MSRA: variants seen among roughly 807,000 people sequenced by gnomAD.
MSRA encodes the protein mitochondrial peptide methionine sulfoxide reductase.
MSRA carries 54 observed loss-of-function variants against 31.3 expected under a neutral mutation model. The ratio of observed to expected loss-of-function variants is 1.73; its 90% confidence interval spans 1.39 to 2.17. The LOEUF (loss-of-function observed/expected upper bound fraction) is 2.17. Ranked by LOEUF, MSRA falls within the 30% of genes most tolerant of loss-of-function variation. MSRA has a pLI of 0.00. For missense variants in MSRA, 507 were observed against 300.9 expected, an observed-to-expected ratio of 1.69 and a Z score of -5.07; for synonymous variants, 169 against 116.5, an observed-to-expected ratio of 1.45 and a Z score of -2.90.
chr8:10,109,347 T>C (rs930162088), intron 1 of MSRA, among the ~76,000 whole-genome samples: 7 of 151,996 alleles, frequency 4.6e-5, no homozygotes, highest in Admixed American at 6.6e-5. Context: ...CTTTTCTTTT[T>C]TTTTTTTATT....
intron 1 of MSRA, among the ~76,000 whole-genome samples, chr8:10,151,836 G>T (rs979242080): frequency 6.6e-6 from 1 of 152,132 alleles, no homozygotes. Context: ...TTGATGAGAA[G>T]GCCATGTCTC....
intron 1 of MSRA, among the ~76,000 whole-genome samples, chr8:10,151,062 C>G (rs1363249822): frequency 1.3e-5 from 2 of 151,702 alleles, no homozygotes; most frequent in African/African-American, 2.4e-5. Context: ...ACAACATACC[C>G]TCTATCTAGT....
intron 3 of MSRA, among the ~76,000 whole-genome samples, chr8:10,263,489 C>G (rs865964712): frequency 2.6e-5 from 4 of 152,174 alleles, no homozygotes; most frequent in African/African-American, 4.8e-5. Flanking sequence ...TTCTGAAAAC[C>G]CTGTATCTCC....
At chr8:10,282,460 AC>A (rs1799672485) in intron 3 of MSRA, among the ~76,000 whole-genome samples, 1 of 152,202 alleles carries the variant, frequency 6.6e-6, no homozygotes, top group African/African-American at 2.4e-5. Context: ...TTATCTGCAA[AC>A]CTAGCAAAGC....
At chr8:10,176,796 G>A (rs1334757449) in intron 1 of MSRA, among the ~76,000 whole-genome samples, 1 of 152,184 alleles carries the variant, frequency 6.6e-6, no homozygotes, top group Non-Finnish European at 1.5e-5. Flanking sequence ...CCCACCCAGG[G>A]CTCCTGCCAT....
intron 1 of MSRA, among the ~76,000 whole-genome samples, chr8:10,121,875 T>G (rs13264586): frequency 1.3e-5 from 2 of 151,078 alleles, no homozygotes; most frequent in South Asian, 2.1e-4. Flanking sequence ...GAAACAGGGT[T>G]TTGTTATGTT....
intron 5 of MSRA, among the ~76,000 whole-genome samples, chr8:10,394,549 A>C (rs1415799497): frequency 2.0e-5 from 3 of 152,250 alleles, no homozygotes; most frequent in Non-Finnish European, 4.4e-5. Flanking sequence ...TTCCCTGAGC[A>C]GCTCTGTCAG....
intron 1 of MSRA, among the ~76,000 whole-genome samples, chr8:10,065,865 C>G (rs2898232): frequency 0.23 from 35,329 of 151,844 alleles, 4,395 homozygotes; most frequent in Admixed American, 0.32. Context: ...GGTTTCTTGT[C>G]CCAGTGGCGC....
chr8:10,338,077 T>C (rs1585515924), intron 5 of MSRA, among the ~76,000 whole-genome samples: 2 of 151,744 alleles, frequency 1.3e-5, no homozygotes, highest in East Asian at 3.9e-4. Flanking sequence ...AAAAGGCAAA[T>C]AGGACGTGTG....
chr8:10,106,456 G>A lies in MSRA; in HGVS notation c.142+51798G>A, dbSNP rs1799890030. Among the ~76,000 whole-genome samples, 5 of 152,108 alleles carry A rather than the reference G, an allele frequency of 3.3e-5. No individual in the cohort carries two copies. The South Asian group carries it at 1.0e-3, about 32-fold the overall frequency. On this transcript the variant is annotated intron_variant, in intron 1 of 5. Transcript: ENST00000317173. ...TCCTCTACTGTTTAAAAGTTTTAAG[G>A]AAAACTTCAATAAAGAGTATATGAA... is the stretch of plus-strand genomic sequence containing the variant.
intron 1 of MSRA, among the ~76,000 whole-genome samples, chr8:10,078,514 C>T (rs1016764402): frequency 6.6e-6 from 1 of 152,220 alleles, no homozygotes; most frequent in Non-Finnish European, 1.5e-5. Context: ...GGTGGGTCAT[C>T]TGACCCTTTC....
At chr8:10,374,531 T>C (rs1444188655) in intron 5 of MSRA, among the ~76,000 whole-genome samples, 1 of 152,186 alleles carries the variant, frequency 6.6e-6, no homozygotes, top group Non-Finnish European at 1.5e-5. Flanking sequence ...ATTTTACAAA[T>C]CGCCCAAGGT....
chr8:10,371,490 G>A (rs546241623), intron 5 of MSRA, among the ~76,000 whole-genome samples: 7 of 152,220 alleles, frequency 4.6e-5, no homozygotes, highest in South Asian at 2.1e-4. Flanking sequence ...TTTACTTCTC[G>A]TTCTCAGGTT....
At chr8:10,181,251 A>G (rs1160551178) in intron 1 of MSRA, among the ~76,000 whole-genome samples, 1 of 152,198 alleles carries the variant, frequency 6.6e-6, no homozygotes, top group African/African-American at 2.4e-5. Flanking sequence ...GCTATTATCT[A>G]GAGAGCAAGG....
intron 5 of MSRA, among the ~76,000 whole-genome samples, chr8:10,380,938 G>A (rs1806030860): frequency 6.6e-6 from 1 of 151,830 alleles, no homozygotes; most frequent in Non-Finnish European, 1.5e-5. Context: ...GATGGGTGGT[G>A]GGAGGGAGGC....
chr8:10,094,578 C>T (rs973670483), intron 1 of MSRA, among the ~76,000 whole-genome samples: 1 of 152,186 alleles, frequency 6.6e-6, no homozygotes, highest in African/African-American at 2.4e-5. Context: ...CTTGAGTTAT[C>T]TAAATTAGAA....
intron 1 of MSRA, among the ~76,000 whole-genome samples, chr8:10,194,993 T>C (rs1807849247): frequency 6.6e-6 from 1 of 152,270 alleles, no homozygotes; most frequent in African/African-American, 2.4e-5. Flanking sequence ...TGCAGTACTA[T>C]TCTCCTGCAC....
At chr8:10,100,313 G>A (rs28402199) in intron 1 of MSRA, among the ~76,000 whole-genome samples, 1 of 152,112 alleles carries the variant, frequency 6.6e-6, no homozygotes, top group Non-Finnish European at 1.5e-5. Flanking sequence ...GTATAGTTCT[G>A]TGTCCAAGGC....
chr8:10,315,330 G>C (rs1361254608), intron 4 of MSRA, among the ~76,000 whole-genome samples: 1 of 152,158 alleles, frequency 6.6e-6, no homozygotes, highest in Admixed American at 6.6e-5. Context: ...CAAAAACCAG[G>C]TGTGGTACAA....
Sources: allele counts gnomAD v4.1 joint callset (sites outside exome capture counted in the v4.1 genomes callset), GRCh38; gene constraint gnomAD v4.1.1; transcripts MANE v1.5; gene names NCBI Gene and HGNC (gene_info 2026-07-23, HGNC 2026-07-21).